The following TSPAN32 variants were observed in gnomAD, a reference collection of about 807,000 sequenced individuals.
The protein encoded by TSPAN32 is tetraspanin 32.
TSPAN32 carries 47 observed loss-of-function variants against 42.7 expected under a neutral mutation model. That is an observed-to-expected ratio of 1.10 (90% CI 0.87 to 1.40). The LOEUF is 1.40. Ranked by LOEUF, TSPAN32 falls within the 40% of genes most tolerant of loss-of-function variation. The pLI, the probability that TSPAN32 is intolerant of heterozygous loss-of-function variation, is 0.00. For synonymous variants in TSPAN32, 175 were observed against 175.9 expected, an observed-to-expected ratio of 0.99 and a Z score of 0.04; for missense variants, 469 against 424.1, an observed-to-expected ratio of 1.11 and a Z score of -0.93.
rs570184736 is a variant in TSPAN32 at position 2,302,659 on chromosome 11, G to T, written c.67-185G>T. On this transcript the variant is annotated intron_variant, in intron 1 of 9. Coordinates refer to ENST00000182290, the MANE Select transcript of TSPAN32 (RefSeq NM_139022.3). Reference sequence around the variant, plus strand: ...ACCATGTGGGGGTGCCTGTGAGTGTGCTGGGGCGTCTGCAGTGAAGGCCTC... The same window carrying T: ...ACCATGTGGGGGTGCCTGTGAGTGTTCTGGGGCGTCTGCAGTGAAGGCCTC... The T allele has an allele frequency of 3.4e-4, 208 of 605,862 alleles. 1 individual carries two copies. The highest frequency in any genetic ancestry group is 1.3e-3 in the African/African-American group (69 of 54,172). 37.5% of individuals were successfully genotyped at this position (605,862 alleles called of 1,614,324 possible).
chr11:2,312,066 C>G (rs1339535569), intron 4 of TSPAN32, among the ~76,000 whole-genome samples: 1 of 150,276 alleles, frequency 6.7e-6, no homozygotes, highest in Non-Finnish European at 1.5e-5. Flanking sequence ...GCAGGCAGAG[C>G]CAGGCAGGGC....
chr11:2,314,360 G>A, intron 5 of TSPAN32, 125 bp from the exon 6 acceptor site: 2 of 767,338 alleles, frequency 2.6e-6, no homozygotes, highest in Non-Finnish European at 4.5e-6. Flanking sequence ...AATACCAGTA[G>A]CCCCAGCCCT....
chr11:2,314,480 T>C lies in TSPAN32; in HGVS notation c.457-5T>C. On this transcript the variant is annotated splice_polypyrimidine_tract_variant and splice_region_variant and intron_variant, in intron 5 of 9. Transcript: ENST00000182290. ...ATCACCACTCCCTCCCTTCTGTTCCTGTAGTTTCTGTGCTGTGGGAAGAAG... is the reference window on the plus strand; with the variant it reads ...ATCACCACTCCCTCCCTTCTGTTCCCGTAGTTTCTGTGCTGTGGGAAGAAG... 6.2e-7 allele frequency: 1 copy of C among 1,609,484 alleles called. No individual in the cohort carries two copies. The highest frequency in any genetic ancestry group is 2.2e-5 in the East Asian group (1 of 44,774).
In TSPAN32 at chr11:2,304,176, T is replaced by C; in HGVS notation, c.251T>C (p.Val84Ala). The C allele has an allele frequency of 6.3e-7, 1 of 1,585,438 alleles. No individual in the cohort carries two copies. Among genetic ancestry groups the C allele is most frequent in the Non-Finnish European group, 8.6e-7 (1 of 1,166,180 alleles). Residue 84 changes from valine to alanine, a missense_variant, in exon 3 of 10, where the codon GTG (valine) becomes GCG (alanine). Val to Ala is a moderately conservative substitution (Grantham distance 64, BLOSUM62 0). Coordinates refer to ENST00000182290, the MANE Select transcript of TSPAN32 (RefSeq NM_139022.3). This position sits in a 1 kb window ranked among gnomAD's most constrained non-coding sequence, Gnocchi z 4.8. ...LGAVLSAAAT[V>A]REAQGLMAGG... ...GCCGTGCTGAGCGCTGCAGCCACCGTGAGGGAGGCCCAGGGCCTCATGGCA... is the reference window on the plus strand; with the variant it reads ...GCCGTGCTGAGCGCTGCAGCCACCGCGAGGGAGGCCCAGGGCCTCATGGCA...
At chr11:2,303,998 G>A (rs1254922805) in intron 2 of TSPAN32, 109 bp from the exon 3 acceptor site, 9 of 789,024 alleles carry the variant, frequency 1.1e-5, no homozygotes, top group Middle Eastern at 2.3e-4. Flanking sequence ...GAGCCCCCCA[G>A]GAGTCCCTCA....
At chr11:2,312,651 G>T (rs912517029) in intron 4 of TSPAN32, among the ~76,000 whole-genome samples, 29 of 152,212 alleles carry the variant, frequency 1.9e-4, no homozygotes, top group Non-Finnish European at 3.2e-4. Flanking sequence ...CTGCCACGGG[G>T]GCTGGGCCCC....
intron 4 of TSPAN32, among the ~76,000 whole-genome samples, chr11:2,312,262 G>A (rs908658093): frequency 6.6e-6 from 1 of 152,186 alleles, no homozygotes; most frequent in Non-Finnish European, 1.5e-5. Flanking sequence ...GCCAACCCCC[G>A]GGCCCACTCC....
At chr11:2,311,628 C>T (rs571021273) in intron 4 of TSPAN32, among the ~76,000 whole-genome samples, 1 of 152,324 alleles carries the variant, frequency 6.6e-6, no homozygotes, top group Admixed American at 6.5e-5. Context: ...TGGTCCCCAC[C>T]TGCCGTTCAG....
rs149385734 is a variant in TSPAN32, at chr11:2,313,177, C to T, written c.355-477C>T. Among the ~76,000 whole-genome samples the T allele has an allele frequency of 2.0e-3, 310 of 152,250 alleles. 2 individuals are homozygous for T. Among genetic ancestry groups the T allele is most frequent in the Middle Eastern group, 0.014 (4 of 294 alleles). On this transcript the variant is annotated intron_variant, in intron 4 of 9. Transcript: ENST00000182290. The surrounding 1 kb of genome is among the most constrained non-coding windows in gnomAD (Gnocchi z 9.1). Reference sequence around the variant, plus strand: ...AAGCCTTACCCGGAGCCCAGCTGCCCGGGCTTCCAGAAGGCAGCCGGGTGA... The same window carrying T: ...AAGCCTTACCCGGAGCCCAGCTGCCTGGGCTTCCAGAAGGCAGCCGGGTGA...
chr11:2,317,249 A>G lies in TSPAN32; in HGVS notation c.720-95A>G, dbSNP rs1019593871. 1 of 974,716 alleles carries G rather than the reference A, an allele frequency of 1.0e-6. No homozygotes were observed. Among genetic ancestry groups the G allele is most frequent in the African/African-American group, 1.6e-5 (1 of 61,608 alleles). 60.4% of individuals were successfully genotyped at this position (974,716 alleles called of 1,614,324 possible). ...ATAATCCCCTCCAGAACATTCTGCAACAGCCCCATGATCCCCTCTAGAACA... is the reference window on the plus strand; with the variant it reads ...ATAATCCCCTCCAGAACATTCTGCAGCAGCCCCATGATCCCCTCTAGAACA... On this transcript the variant is annotated intron_variant, in intron 8 of 9. Transcript: ENST00000182290. The surrounding 1 kb of genome is among the most constrained non-coding windows in gnomAD (Gnocchi z 6.2).
intron 3 of TSPAN32, among the ~76,000 whole-genome samples, chr11:2,308,153 G>A (rs891802674): frequency 3.3e-5 from 5 of 152,146 alleles, no homozygotes; most frequent in African/African-American, 1.2e-4. Flanking sequence ...GCCCCTGGGG[G>A]CCAAAATGGG....
intron 3 of TSPAN32, among the ~76,000 whole-genome samples, chr11:2,307,724 C>T (rs1380527731): frequency 2.0e-5 from 3 of 152,096 alleles, no homozygotes; most frequent in Non-Finnish European, 2.9e-5. Context: ...GTGCCGGGGG[C>T]GGGTGCGCAG....
intron 7 of TSPAN32, 91 bp from the exon 8 acceptor site, chr11:2,316,485 C>T (rs778186005): frequency 6.7e-5 from 107 of 1,597,100 alleles, no homozygotes; most frequent in Middle Eastern, 1.6e-4. Flanking sequence ...ACAGCTGGGC[C>T]GCCCCCTTAC....
chr11:2,302,469 G>A (rs909374302), intron 1 of TSPAN32, among the ~76,000 whole-genome samples: 8 of 152,188 alleles, frequency 5.3e-5, no homozygotes, highest in Non-Finnish European at 1.0e-4. Flanking sequence ...CTGAGGCCTG[G>A]GGCGAGCTGG....
At chr11:2,311,109 T>C (rs1232908310) in intron 4 of TSPAN32, among the ~76,000 whole-genome samples, 2 of 152,198 alleles carry the variant, frequency 1.3e-5, no homozygotes, top group African/African-American at 4.8e-5. Context: ...ACAGGGCCAC[T>C]GAGGTGTCCT....
At chr11:2,312,416 T>C (rs546212227) in intron 4 of TSPAN32, among the ~76,000 whole-genome samples, 2 of 152,352 alleles carry the variant, frequency 1.3e-5, no homozygotes, top group South Asian at 4.1e-4. Context: ...GCTTGGTGCC[T>C]GCCCGCCCCT....
At chr11:2,316,393 A>C (rs1564968110) in intron 7 of TSPAN32, 81 bp downstream of exon 7, 1 of 1,545,476 alleles carries the variant, frequency 6.5e-7, no homozygotes, top group South Asian at 1.2e-5. Context: ...TGGAAGGGTG[A>C]CCCGGGACAG....
In TSPAN32 at chr11:2,303,935, C is replaced by T. The variant is rs183338409; in HGVS notation, c.182-172C>T. 1.7e-3 allele frequency among the ~76,000 whole-genome samples: 254 copies of T among 152,252 alleles called. 1 individual carries two copies. The highest frequency in any genetic ancestry group is 5.9e-3 in the African/African-American group (246 of 41,532). ...GCAGTCCCCCAGGCTGAACGAGTCC[C>T]ACCTCCCTCCTCCTTCCCTCAGGGC... On this transcript the variant is annotated intron_variant, in intron 2 of 9. Transcript: ENST00000182290.
In TSPAN32 at chr11:2,317,925, C is replaced by A. The variant is rs774542819; in HGVS notation, c.*1C>A. On this transcript the variant is annotated 3_prime_UTR_variant, in exon 10 of 10. Coordinates refer to ENST00000182290, the MANE Select transcript of TSPAN32 (RefSeq NM_139022.3). This position sits in a 1 kb window ranked among gnomAD's most constrained non-coding sequence, Gnocchi z 6.2. Reference sequence around the variant, plus strand: ...CCCTGAGCGGGGTCTCTCAGACTGACGTCAGGCCTTGGTGGGCTGCACTCT... The same window carrying A: ...CCCTGAGCGGGGTCTCTCAGACTGAAGTCAGGCCTTGGTGGGCTGCACTCT... 3.9e-6 allele frequency: 4 copies of A among 1,034,398 alleles called. No homozygotes were observed. Among genetic ancestry groups the A allele is most frequent in the South Asian group, 3.8e-5 (3 of 79,440 alleles). The allele number at this position is 1,034,398 out of a possible 1,614,324, so 64.1% of individuals were successfully genotyped here.
Sources: allele counts gnomAD v4.1 joint callset (sites outside exome capture counted in the v4.1 genomes callset), GRCh38; gene constraint gnomAD v4.1.1; non-coding constraint Gnocchi (gnomAD v3.1); transcripts MANE v1.5; gene names NCBI Gene and HGNC (gene_info 2026-07-23, HGNC 2026-07-21).